PTTG1IP: variants seen among roughly 807,000 people sequenced by gnomAD.
PTTG1IP encodes PTTG1 interacting protein.
Under a neutral mutation model 24.4 loss-of-function variants are expected in PTTG1IP, and 16 were observed. That is an observed-to-expected ratio of 0.66 (90% CI 0.44 to 1.00). The LOEUF is 1.00. PTTG1IP is among the 50% of genes least tolerant of loss of function. PTTG1IP has a pLI of 0.00. For synonymous variants in PTTG1IP, 89 were observed against 96.8 expected (o/e 0.92, Z 0.47); for missense variants, 241 against 245.8 (o/e 0.98, Z 0.13).
At position 44,849,766 on chromosome 21, in the gene PTTG1IP, G is replaced by A. The variant is rs1601238711; in HGVS notation, c.*1815C>T. On this transcript the variant is annotated 3_prime_UTR_variant, in exon 6 of 6. Coordinates refer to ENST00000330938, the MANE Select transcript of PTTG1IP (RefSeq NM_004339.4). ...GGTTTCTACACTGAGCGCAAGGGCT[G>A]ACTACGCTGTATTTCACAACCGAGC... 6.6e-6 allele frequency: 1 copy of A among 152,398 alleles called. No individual in the cohort carries two copies. Among genetic ancestry groups the A allele is most frequent in the East Asian group, 1.9e-4 (1 of 5,202 alleles). 9.4% of individuals were successfully genotyped at this position (152,398 alleles called of 1,614,324 possible). A position where few individuals can be genotyped will look rare whatever the true frequency, so the allele number is the denominator to read the frequency against.
intron 5 of PTTG1IP, among the ~76,000 whole-genome samples, chr21:44,853,161 T>C (rs35809691): frequency 0.033 from 4,980 of 152,182 alleles, 270 homozygotes; most frequent in African/African-American, 0.11. Context: ...GGGCAGTGTG[T>C]GCGTGTGTGC....
At chr21:44,853,227 G>T (rs2083423686) in intron 5 of PTTG1IP, among the ~76,000 whole-genome samples, 1 of 152,196 alleles carries the variant, frequency 6.6e-6, no homozygotes, top group African/African-American at 2.4e-5. Context: ...CATTAGTCTG[G>T]CTGGGTGTGG....
At chr21:44,863,308 G>GCCA (rs2083509217) in intron 2 of PTTG1IP, among the ~76,000 whole-genome samples, 4 of 91,444 alleles carry the variant, frequency 4.4e-5, no homozygotes, top group African/African-American at 2.5e-4. Context: ...CCTCAGGAGC[G>GCCA]TGGACACAGC....
chr21:44,854,505 G>C (rs745649883), intron 5 of PTTG1IP, among the ~76,000 whole-genome samples: 11 of 140,112 alleles, frequency 7.9e-5, no homozygotes, highest in Non-Finnish European at 1.3e-4. Flanking sequence ...CAAACCCAGC[G>C]CGGGAGACAC....
At chr21:44,853,382 C>T (rs1318667901) in intron 5 of PTTG1IP, among the ~76,000 whole-genome samples, 1 of 151,962 alleles carries the variant, frequency 6.6e-6, no homozygotes, top group African/African-American at 2.4e-5. Context: ...GTGGTGGGCA[C>T]CTGTAGTCCC....
intron 1 of PTTG1IP, among the ~76,000 whole-genome samples, chr21:44,866,235 C>T (rs1284848830): frequency 4.0e-5 from 5 of 126,364 alleles, no homozygotes; most frequent in Non-Finnish European, 1.7e-5. Context: ...CACACACAGC[C>T]TACTCCCCCA....
chr21:44,866,717 C>T (rs182868624), intron 1 of PTTG1IP, among the ~76,000 whole-genome samples: 1 of 151,280 alleles, frequency 6.6e-6, no homozygotes, highest in East Asian at 1.9e-4. Context: ...ACACAGTGCA[C>T]GCTGAAAAGA....
chr21:44,851,743 G>A, intron 5 of PTTG1IP, 116 bp from the exon 6 acceptor site: 2 of 1,296,656 alleles, frequency 1.5e-6, no homozygotes, highest in Non-Finnish European at 2.1e-6. Context: ...GCAACAACGG[G>A]CATTGTAAGC....
At chr21:44,864,271 G>A (rs2083517332) in intron 2 of PTTG1IP, among the ~76,000 whole-genome samples, 1 of 152,282 alleles carries the variant, frequency 6.6e-6, no homozygotes, top group Admixed American at 6.5e-5. Context: ...GCGCTGCGAG[G>A]AGACTTGGGT....
At chr21:44,863,866 G>A (rs568837239) in intron 2 of PTTG1IP, among the ~76,000 whole-genome samples, 2 of 152,262 alleles carry the variant, frequency 1.3e-5, no homozygotes, top group South Asian at 2.1e-4. Flanking sequence ...GGTGTGTCTC[G>A]AACCTACGCT....
In PTTG1IP at chr21:44,851,314, A is replaced by G; in HGVS notation, c.*267T>C. 1 of 1,474,256 alleles carries G rather than the reference A, an allele frequency of 6.8e-7. No homozygotes were observed. Among genetic ancestry groups the G allele is most frequent in the Non-Finnish European group, 9.0e-7 (1 of 1,108,954 alleles). The allele number at this position is 1,474,256 out of a possible 1,614,324, so 91.3% of individuals were successfully genotyped here. On this transcript the variant is annotated 3_prime_UTR_variant, in exon 6 of 6. Transcript: ENST00000330938. ...TGCAGTTAGCGTTTCACAAACTGAG[A>G]AGAGTATAAAAAAGCCCAAACCCCA...
chr21:44,867,283 A>G (rs2083549635), intron 1 of PTTG1IP, among the ~76,000 whole-genome samples: 1 of 152,238 alleles, frequency 6.6e-6, no homozygotes, highest in Non-Finnish European at 1.5e-5. Context: ...GAACTGCTCT[A>G]TGTAAAACAT....
intron 2 of PTTG1IP, among the ~76,000 whole-genome samples, chr21:44,864,425 T>C (rs924020650): frequency 2.6e-5 from 4 of 152,192 alleles, no homozygotes; most frequent in African/African-American, 9.6e-5. Context: ...AGACAGTTTT[T>C]TGCTCTTGTT....
At chr21:44,861,350 C>CGGGCTGTGGG in intron 2 of PTTG1IP, 79 bp from the exon 3 acceptor site, 1 of 1,187,622 alleles carries the variant, frequency 8.4e-7, no homozygotes, top group Non-Finnish European at 1.2e-6. Context: ...CCACAGCCCG[C>CGGGCTGTGGG]CAGTGCTGCC....
intron 2 of PTTG1IP, chr21:44,862,014 CTT>C (rs1233746290): frequency 3.3e-6 from 2 of 610,976 alleles, no homozygotes; most frequent in South Asian, 1.8e-5. Context: ...CATAGACGCT[CTT>C]GTCTGAGCCC....
rs2083527729 is a variant in PTTG1IP at position 44,865,387 on chromosome 21, C to T, written c.168+8G>A. ...GGCACTCTGGTCTCTAGTCCACGTGCTACTTACGGAGACGTTCTTCAGGCA... is the reference window on the plus strand; with the variant it reads ...GGCACTCTGGTCTCTAGTCCACGTGTTACTTACGGAGACGTTCTTCAGGCA... On this transcript the variant is annotated splice_region_variant and intron_variant, in intron 2 of 5. Coordinates refer to ENST00000330938, the MANE Select transcript of PTTG1IP (RefSeq NM_004339.4). 3 of 1,614,058 alleles carry T rather than the reference C, an allele frequency of 1.9e-6. No individual in the cohort carries two copies. The highest frequency in any genetic ancestry group is 2.5e-6 in the Non-Finnish European group (3 of 1,179,866).
chr21:44,849,738 G>A lies in PTTG1IP; in HGVS notation c.*1843C>T, dbSNP rs539866559. 6.6e-5 allele frequency: 10 copies of A among 152,448 alleles called. No homozygotes were observed. The highest frequency in any genetic ancestry group is 1.9e-4 in the East Asian group (1 of 5,208). The allele number at this position is 152,448 out of a possible 1,614,324, so 9.4% of individuals were successfully genotyped here. On this transcript the variant is annotated 3_prime_UTR_variant, in exon 6 of 6. Coordinates refer to ENST00000330938, the MANE Select transcript of PTTG1IP (RefSeq NM_004339.4). ...ATGGACGAAGACCGACCTTACAGAC[G>A]TGGGTTTCTACACTGAGCGCAAGGG...
Position 44,873,668 on chromosome 21 carries a change from C to G in PTTG1IP, c.-52G>C. Reference sequence around the variant, plus strand: ...TGGAGCGTTACAACTCCGACTCCAGCACAAGCGGTCTCCGCCCGGAACAGC... The same window carrying G: ...TGGAGCGTTACAACTCCGACTCCAGGACAAGCGGTCTCCGCCCGGAACAGC... On this transcript the variant is annotated 5_prime_UTR_variant, in exon 1 of 6. Transcript: ENST00000330938. The G allele has an allele frequency of 1.5e-6, 2 of 1,312,436 alleles. No individual in the cohort carries two copies. Among genetic ancestry groups the G allele is most frequent in the Non-Finnish European group, 1.9e-6 (2 of 1,026,826 alleles). 81.3% of individuals were successfully genotyped at this position (1,312,436 alleles called of 1,614,324 possible).
chr21:44,865,781 G>A (rs2083531809), intron 1 of PTTG1IP: 3 of 407,454 alleles, frequency 7.4e-6, no homozygotes, highest in Admixed American at 7.7e-5. Flanking sequence ...CTGTGGCTGT[G>A]TAATCACTAA....
Sources: gnomAD v4.1 joint callset for allele counts (sites outside exome capture counted in the v4.1 genomes callset) on GRCh38, gnomAD v4.1.1 for gene constraint, MANE v1.5 for transcripts, NCBI Gene and HGNC (gene_info 2026-07-23, HGNC 2026-07-21) for gene names.